The following ARHGEF37 variants were observed in gnomAD, a reference collection of about 807,000 sequenced individuals.
ARHGEF37 encodes Rho guanine nucleotide exchange factor 37, also known as Rho guanine nucleotide exchange factor (GEF) 37.
Under a neutral mutation model 71.1 loss-of-function variants are expected in ARHGEF37, and 55 were observed. The ratio of observed to expected loss-of-function variants is 0.77; its 90% CI spans 0.62 to 0.97. The LOEUF (loss-of-function observed/expected upper bound fraction) is 0.97. ARHGEF37 is among the 50% of genes least tolerant of loss of function. ARHGEF37 has a pLI of 0.00. For missense variants in ARHGEF37, 765 were observed against 836.8 expected (o/e 0.91, Z 1.06); for synonymous variants, 327 against 350.6 (o/e 0.93, Z 0.75).
intron 1 of ARHGEF37, among the ~76,000 whole-genome samples, chr5:149,573,321 T>A (rs1024247198): frequency 1.6e-4 from 24 of 152,310 alleles, no homozygotes; most frequent in African/African-American, 5.8e-4. Context: ...AACCATAGCA[T>A]TCCAAGTCTC....
rs76021776 is a variant in ARHGEF37, at chr5:149,568,921, ATTTTTT to A, written c.-12+16802_-12+16807del. Among the ~76,000 whole-genome samples the A allele has an allele frequency of 5.0e-4, 75 of 150,830 alleles. 1 individual carries two copies. The highest frequency in any genetic ancestry group is 1.7e-3 in the African/African-American group (69 of 41,246). ...CCATTCAGAGATAACAACTGTTCTG[ATTTTTT>A]TTTATCATAGATTTGTTTTCCCTAT... On this transcript the variant is annotated intron_variant, in intron 1 of 2. Coordinates refer to the ARHGEF37 transcript ENST00000505810.
intron 1 of ARHGEF37, among the ~76,000 whole-genome samples, chr5:149,575,255 G>A (rs747648090): frequency 2.0e-5 from 3 of 152,108 alleles, no homozygotes; most frequent in Non-Finnish European, 4.4e-5. Context: ...TCATTTTCCT[G>A]GTAAGAAATG....
chr5:149,565,829 A>AT (rs201683478), intron 1 of ARHGEF37, among the ~76,000 whole-genome samples: 2,329 of 83,812 alleles, frequency 0.028, 302 homozygotes, highest in Non-Finnish European at 0.042. Context: ...AGAAACTCTA[A>AT]TTTTTTTTTT....
intron 1 of ARHGEF37, among the ~76,000 whole-genome samples, chr5:149,583,936 T>A (rs762108572): frequency 6.6e-6 from 1 of 152,136 alleles, no homozygotes; most frequent in Non-Finnish European, 1.5e-5. Context: ...AATTTTTTAC[T>A]TTTTGTAGAC....
chr5:149,613,290 A>G (rs1415160396), intron 4 of ARHGEF37, among the ~76,000 whole-genome samples: 1 of 152,214 alleles, frequency 6.6e-6, no homozygotes, highest in Non-Finnish European at 1.5e-5. Context: ...TTTCTACTGT[A>G]TATTTATAGA....
chr5:149,589,321 TTTA>T (rs1763329183), intron 1 of ARHGEF37, among the ~76,000 whole-genome samples: 1 of 143,718 alleles, frequency 7.0e-6, no homozygotes, highest in Non-Finnish European at 1.5e-5. Flanking sequence ...CACATAATGT[TTTA>T]TTAATTAATT....
chr5:149,625,674 C>T (rs999616153), intron 10 of ARHGEF37, among the ~76,000 whole-genome samples: 7 of 152,286 alleles, frequency 4.6e-5, no homozygotes, highest in South Asian at 2.1e-4. Context: ...CCGTGGGCCC[C>T]GAGACTCGGG....
At chr5:149,561,158 A>C (rs1322890520) in intron 1 of ARHGEF37, among the ~76,000 whole-genome samples, 1 of 151,842 alleles carries the variant, frequency 6.6e-6, no homozygotes, top group Non-Finnish European at 1.5e-5. Flanking sequence ...CTGTAGTCCC[A>C]GCTACTCGGG....
At chr5:149,554,425 C>T (rs890106350) in intron 1 of ARHGEF37, among the ~76,000 whole-genome samples, 8 of 152,116 alleles carry the variant, frequency 5.3e-5, no homozygotes, top group Admixed American at 5.2e-4. Context: ...TTAAATTCTA[C>T]TGGTCTAAAT....
rs1221841533 is a variant in ARHGEF37, at chr5:149,598,761, T to TAGATAG, written c.186+807_186+808insGATAGA. On this transcript the variant is annotated intron_variant, in intron 2 of 12. Transcript: ENST00000333677. ...TCATATATATATATCTATATATAGATATAGATATAGATATAGATATATAGA... is the reference window on the plus strand; with the variant it reads ...TCATATATATATATCTATATATAGATAGATAGATAGATATAGATATAGATATATAGA... 6.2e-3 allele frequency among the ~76,000 whole-genome samples: 466 copies of TAGATAG among 75,570 alleles called. 6 individuals are homozygous for TAGATAG. The highest frequency in any genetic ancestry group is 0.022 in the African/African-American group (452 of 20,128). 49.6% of individuals were successfully genotyped at this position (75,570 alleles called of 152,430 possible).
intron 2 of ARHGEF37, among the ~76,000 whole-genome samples, chr5:149,598,387 C>G (rs938015802): frequency 1.0e-5 from 1 of 97,558 alleles, no homozygotes; most frequent in South Asian, 4.2e-4. Flanking sequence ...CCTCTTCTTC[C>G]TCTTCCTCTC....
At chr5:149,608,153 T>G (rs1763969502) in intron 3 of ARHGEF37, among the ~76,000 whole-genome samples, 1 of 152,118 alleles carries the variant, frequency 6.6e-6, no homozygotes, top group South Asian at 2.1e-4. Context: ...TGGTGGAATG[T>G]CATCAGTTAA....
At chr5:149,589,766 G>T (rs759317328) in intron 1 of ARHGEF37, among the ~76,000 whole-genome samples, 1 of 151,872 alleles carries the variant, frequency 6.6e-6, no homozygotes, top group African/African-American at 2.4e-5. Flanking sequence ...TGATCCTCCC[G>T]TCTTGGCCTC....
At chr5:149,590,275 C>A (rs1580896802) in intron 1 of ARHGEF37, among the ~76,000 whole-genome samples, 3 of 146,242 alleles carry the variant, frequency 2.1e-5, no homozygotes, top group East Asian at 4.0e-4. Flanking sequence ...AACTGCAGAT[C>A]ATTCAACTTT....
At chr5:149,601,308 G>C in intron 3 of ARHGEF37, 77 bp downstream of exon 3, 1 of 1,500,734 alleles carries the variant, frequency 6.7e-7, no homozygotes, top group Non-Finnish European at 9.0e-7. Context: ...CTGCTTAACT[G>C]TCTCCAGAGT....
chr5:149,605,156 G>C (rs1368293707), intron 3 of ARHGEF37, among the ~76,000 whole-genome samples: 1 of 151,032 alleles, frequency 6.6e-6, no homozygotes, highest in East Asian at 2.0e-4. Flanking sequence ...GAACCCAGGA[G>C]GTGGAGGTGG....
At chr5:149,614,622 G>A (rs1323473354) in intron 4 of ARHGEF37, among the ~76,000 whole-genome samples, 2 of 152,118 alleles carry the variant, frequency 1.3e-5, no homozygotes, top group Non-Finnish European at 2.9e-5. Context: ...GAAGTCCAGA[G>A]GATGGAGTCT....
chr5:149,589,810 T>A (rs960694935), intron 1 of ARHGEF37, among the ~76,000 whole-genome samples: 1 of 151,776 alleles, frequency 6.6e-6, no homozygotes, highest in Non-Finnish European at 1.5e-5. Context: ...TGAGCCACCA[T>A]GCCCGGCCGC....
At chr5:149,568,484 C>A (rs751738830) in intron 1 of ARHGEF37, among the ~76,000 whole-genome samples, 34 of 152,074 alleles carry the variant, frequency 2.2e-4, no homozygotes, top group Non-Finnish European at 4.3e-4. Context: ...GTGTGCAATT[C>A]TCTGAGCTTT....
Sources: allele counts gnomAD v4.1 joint callset (sites outside exome capture counted in the v4.1 genomes callset), GRCh38; gene constraint gnomAD v4.1.1; transcripts MANE v1.5; gene names NCBI Gene and HGNC (gene_info 2026-07-23, HGNC 2026-07-21).